Variants in GLT8D2 observed in about 807,000 individuals in gnomAD.
The protein encoded by GLT8D2 is glycosyltransferase 8 domain containing 2, also known as glycosyltransferase 8 domain-containing protein 2.
In GLT8D2, 45 loss-of-function variants were observed where a neutral mutation model predicts 44.5. That is an observed-to-expected ratio of 1.01 (90% confidence interval 0.80 to 1.30). The LOEUF is 1.30. GLT8D2 is among the 50% of genes most tolerant of loss of function. The probability of loss-of-function intolerance (pLI) is 0.00; values close to 1 mark genes in which losing one functional copy is unlikely to be tolerated. For missense variants in GLT8D2, 400 were observed against 430.4 expected (o/e 0.93, Z 0.62); for synonymous variants, 156 against 157.2 (o/e 0.99, Z 0.06).
At chr12:104,010,074 T>A (rs1357685909) in intron 4 of GLT8D2, among the ~76,000 whole-genome samples, 2 of 152,232 alleles carry the variant, frequency 1.3e-5, no homozygotes, top group African/African-American at 4.8e-5. Flanking sequence ...GTTGTAATCT[T>A]ATGGAGGTAT....
intron 9 of GLT8D2, chr12:103,993,901 A>G (rs897926375): frequency 2.4e-5 from 4 of 167,968 alleles, no homozygotes; most frequent in African/African-American, 9.5e-5. Context: ...TGCTTGTATT[A>G]GACTTATTTT....
intron 1 of GLT8D2, among the ~76,000 whole-genome samples, chr12:104,063,409 G>T (rs1275470793): frequency 6.6e-6 from 1 of 152,118 alleles, no homozygotes; most frequent in South Asian, 2.1e-4. Flanking sequence ...GGCTGGGTGC[G>T]GTGGCTCATG....
At chr12:104,010,211 A>G (rs1032529481) in intron 4 of GLT8D2, among the ~76,000 whole-genome samples, 1 of 152,146 alleles carries the variant, frequency 6.6e-6, no homozygotes, top group Non-Finnish European at 1.5e-5. Context: ...CCTGGCACAC[A>G]AGACCCCTCA....
intron 1 of GLT8D2, among the ~76,000 whole-genome samples, chr12:104,057,344 G>A (rs1353450165): frequency 6.6e-6 from 1 of 151,358 alleles, no homozygotes; most frequent in Non-Finnish European, 1.5e-5. Context: ...AACATAGGGA[G>A]ACCCCGTCTC....
chr12:104,033,398 A>T (rs1244008789), intron 1 of GLT8D2, among the ~76,000 whole-genome samples: 3 of 152,210 alleles, frequency 2.0e-5, no homozygotes, highest in Non-Finnish European at 4.4e-5. Context: ...GAAATAAGCC[A>T]GGTAAAGAAA....
chr12:104,048,366 T>TAA (rs1881390957), intron 1 of GLT8D2, among the ~76,000 whole-genome samples: 1 of 152,228 alleles, frequency 6.6e-6, no homozygotes, highest in Admixed American at 6.5e-5. Context: ...TCAGGACCTT[T>TAA]AAAATGCTAT....
At chr12:104,018,448 GC>G (rs1258222185) in intron 3 of GLT8D2, among the ~76,000 whole-genome samples, 2 of 151,980 alleles carry the variant, frequency 1.3e-5, no homozygotes. Flanking sequence ...GTTCCTCCCT[GC>G]CTTAATGGAT....
At chr12:103,994,730 A>G (rs1873198120) in intron 8 of GLT8D2, among the ~76,000 whole-genome samples, 1 of 152,232 alleles carries the variant, frequency 6.6e-6, no homozygotes. Flanking sequence ...CTCTAGCAAT[A>G]ACTCCATAAA....
chr12:104,058,445 A>G (rs1185712538), intron 1 of GLT8D2, among the ~76,000 whole-genome samples: 1 of 152,064 alleles, frequency 6.6e-6, no homozygotes, highest in African/African-American at 2.4e-5. Context: ...TTCAGTGTTG[A>G]ATATTAGTTT....
intron 3 of GLT8D2, among the ~76,000 whole-genome samples, chr12:104,019,171 A>C (rs1468811285): frequency 7.5e-6 from 1 of 133,886 alleles, no homozygotes; most frequent in Non-Finnish European, 1.5e-5. Context: ...TCTGTCTCCC[A>C]GGCTGGCATG....
chr12:104,020,254 T>A (rs963290752), intron 2 of GLT8D2, among the ~76,000 whole-genome samples: 3 of 152,002 alleles, frequency 2.0e-5, no homozygotes, highest in Non-Finnish European at 4.4e-5. Context: ...TAAAAAGAGC[T>A]CTGTCAGCCT....
chr12:104,052,000 TA>T (rs1235870551), upstream of GLT8D2, among the ~76,000 whole-genome samples: 2 of 146,980 alleles, frequency 1.4e-5, no homozygotes, highest in South Asian at 2.1e-4. Flanking sequence ...ATGTTATCAA[TA>T]AAAAAATAGA....
rs1872427882 is a variant in GLT8D2, at chr12:103,989,411, G to A, written c.1047C>T (p.Ser349=). The part of the protein sequence containing the change: ...PAGIFKLNHH[S] ...ATATTTTAAGGGTAGAGTTATATCA[G>A]CTATGGTGATTGAGTTTAAATATCC... Residue 349 remains serine (S), a synonymous_variant, in exon 11 of 11, where the codon AGC becomes AGT. Coordinates refer to ENST00000360814, the MANE Select transcript of GLT8D2 (RefSeq NM_001384711.1). 2 of 1,608,008 alleles carry A rather than the reference G, an allele frequency of 1.2e-6. No homozygotes were observed. The highest frequency in any genetic ancestry group is 1.1e-5 in the South Asian group (1 of 89,744).
chr12:104,006,346 T>C (rs575173238), intron 4 of GLT8D2, among the ~76,000 whole-genome samples: 33 of 152,264 alleles, frequency 2.2e-4, no homozygotes, highest in African/African-American at 7.9e-4. Context: ...CTGCACATTG[T>C]GCACATGTAC....
chr12:104,026,475 G>A (rs756429212), intron 1 of GLT8D2, among the ~76,000 whole-genome samples: 16 of 152,088 alleles, frequency 1.1e-4, no homozygotes, highest in Middle Eastern at 3.4e-3. Context: ...CTCTATTCTC[G>A]AAATATACCT....
intron 1 of GLT8D2, among the ~76,000 whole-genome samples, chr12:104,041,054 G>A (rs1880494999): frequency 6.6e-6 from 1 of 151,658 alleles, no homozygotes; most frequent in African/African-American, 2.4e-5. Flanking sequence ...ATCACTTGAG[G>A]TCAGGAGTTC....
intron 1 of GLT8D2, among the ~76,000 whole-genome samples, chr12:104,023,567 T>A (rs1878182871): frequency 6.6e-6 from 1 of 151,964 alleles, no homozygotes; most frequent in Non-Finnish European, 1.5e-5. Flanking sequence ...TAGAATTTCC[T>A]TTTTTTTCTA....
At chr12:104,058,745 A>G (rs2136551699) in intron 1 of GLT8D2, among the ~76,000 whole-genome samples, 2 of 152,312 alleles carry the variant, frequency 1.3e-5, no homozygotes, top group South Asian at 4.1e-4. Flanking sequence ...GTGGGCAGAG[A>G]GGAGAGGAAG....
At position 104,034,631 on chromosome 12, in the gene GLT8D2, G is replaced by A. The variant is rs114313455; in HGVS notation, c.-163-13140C>T. On this transcript the variant is annotated intron_variant, in intron 1 of 10. Transcript: ENST00000360814. ...TGAGGTTTGAGTGGGTAAACAAAGTGGGTGGGGAAGCTTGAACTGGGCAGA... is the reference window on the plus strand; with the variant it reads ...TGAGGTTTGAGTGGGTAAACAAAGTAGGTGGGGAAGCTTGAACTGGGCAGA... Among the ~76,000 whole-genome samples, 293 of 152,376 alleles carry A rather than the reference G, an allele frequency of 1.9e-3. 1 individual carries two copies. Among genetic ancestry groups the A allele is most frequent in the African/African-American group, 6.9e-3 (285 of 41,590 alleles).
Sources: allele counts gnomAD v4.1 joint callset (sites outside exome capture counted in the v4.1 genomes callset), GRCh38; gene constraint gnomAD v4.1.1; transcripts MANE v1.5; gene names NCBI Gene and HGNC (gene_info 2026-07-23, HGNC 2026-07-21).